Variants in MN1 observed in about 807,000 individuals in gnomAD.
MN1 encodes MN1 proto-oncogene, transcriptional regulator.
In MN1, 19 loss-of-function variants were observed where a neutral mutation model predicts 86.9. That is an observed-to-expected ratio of 0.22 (90% CI 0.15 to 0.32). MN1 has a LOEUF of 0.32. MN1 is among the 10% of genes least tolerant of loss of function. The pLI is 1.00. For synonymous variants in MN1, 928 were observed against 849.6 expected, an observed-to-expected ratio of 1.09 and a Z score of -1.60; for missense variants, 1,841 against 1,862.0, an observed-to-expected ratio of 0.99 and a Z score of 0.21.
Position 27,799,729 on chromosome 22 carries a change from C to T in MN1, c.815G>A (p.Gly272Asp), listed in dbSNP as rs1447187355. The T allele has an allele frequency of 6.3e-7, 1 of 1,577,340 alleles. No homozygotes were observed. The highest frequency in any genetic ancestry group is 1.8e-5 in the Admixed American group (1 of 54,874). ...CGCAGCTCTGGGCATGGCCGAGGCG[C>T]CCGGGAAAGCGCCCCCAGGAACCTG... ...GRQVPGGAFP[G>D]ASAMPRAAGM... The change falls in exon 1 of 2, where the codon GGC becomes GAC. Residue 272 changes from glycine to aspartate, a missense_variant. Coordinates refer to ENST00000302326, the MANE Select transcript of MN1 (RefSeq NM_002430.3).
Position 27,799,766 on chromosome 22 carries a change from C to T in MN1, c.778G>A (p.Ala260Thr). The T allele has an allele frequency of 6.3e-7, 1 of 1,593,928 alleles. No homozygotes were observed. Among genetic ancestry groups the T allele is most frequent in the Admixed American group, 1.7e-5 (1 of 57,898 alleles). The change falls in exon 1 of 2, where the codon GCA (alanine) becomes ACA (threonine). Residue 260 changes from alanine (A) to threonine (T), a missense_variant. By Grantham distance (58) the Ala-to-Thr change is moderately conservative. Transcript: ENST00000302326. ...CCCCCAGGAACCTGGCGACCCGCTGCATAATGAGGCAGCTGCCCTTCGGAG... is the reference window on the plus strand; with the variant it reads ...CCCCCAGGAACCTGGCGACCCGCTGTATAATGAGGCAGCTGCCCTTCGGAG... ...SDSEGQLPHY[A>T]AGRQVPGGAF...
intron 1 of MN1, among the ~76,000 whole-genome samples, chr22:27,764,812 G>A (rs929928882): frequency 6.6e-6 from 1 of 152,154 alleles, no homozygotes; most frequent in Admixed American, 6.5e-5. Context: ...TGTAACCCTG[G>A]AGGAAGCATC....
chr22:27,794,814 G>T (rs10719007), intron 1 of MN1, among the ~76,000 whole-genome samples: 1,341 of 33,100 alleles, frequency 0.041, 19 homozygotes, highest in African/African-American at 0.19. Context: ...AATCAGGGTT[G>T]TTGTTTTTTT....
chr22:27,776,468 T>G (rs1714325771), intron 1 of MN1, among the ~76,000 whole-genome samples: 1 of 151,876 alleles, frequency 6.6e-6, no homozygotes, highest in Non-Finnish European at 1.5e-5. Context: ...AATAATCAAA[T>G]AGAATACAGA....
rs1933409715 is a variant in MN1, at chr22:27,800,319, G to C, written c.225C>G (p.His75Gln). The change falls in exon 1 of 2, where the codon CAC (histidine) becomes CAG (glutamine). Residue 75 changes from histidine (H) to glutamine (Q), a missense_variant. By Grantham distance (24) the His-to-Gln change is conservative. Coordinates refer to ENST00000302326, the MANE Select transcript of MN1 (RefSeq NM_002430.3). Reference sequence around the variant, plus strand: ...GCAGCCCCCCTGCGTGCAACTCCGAGTGGCCGCGCGCGTGGAAGCCGTAGG... The same window carrying C: ...GCAGCCCCCCTGCGTGCAACTCCGACTGGCCGCGCGCGTGGAAGCCGTAGG... ...MEPYGFHARGHSELHAGGLQA... is the reference protein window; with the variant it reads ...MEPYGFHARGQSELHAGGLQA... 6.3e-7 allele frequency: 1 copy of C among 1,580,456 alleles called. No individual in the cohort carries two copies. The highest frequency in any genetic ancestry group is 8.6e-7 in the Non-Finnish European group (1 of 1,162,742).
chr22:27,754,706 C>T (rs1932791431), intron 1 of MN1, among the ~76,000 whole-genome samples: 1 of 152,216 alleles, frequency 6.6e-6, no homozygotes, highest in Non-Finnish European at 1.5e-5. Flanking sequence ...CGCCTCAAGT[C>T]ATGGCCTGCC....
chr22:27,778,835 C>T (rs775520542), intron 1 of MN1, among the ~76,000 whole-genome samples: 3 of 152,238 alleles, frequency 2.0e-5, no homozygotes, highest in Admixed American at 6.5e-5. Flanking sequence ...AAGCCTCACT[C>T]GGGTAGGACA....
intron 1 of MN1, among the ~76,000 whole-genome samples, chr22:27,780,167 G>A (rs1933032576): frequency 6.6e-6 from 1 of 152,166 alleles, no homozygotes; most frequent in South Asian, 2.1e-4. Context: ...TCTACTATGT[G>A]CCGTCAGATC....
intron 1 of MN1, among the ~76,000 whole-genome samples, chr22:27,792,341 TATATATATATGAATATATAA>T (rs1933224530): frequency 7.0e-6 from 1 of 143,084 alleles, no homozygotes; most frequent in Non-Finnish European, 1.5e-5. Context: ...TATATATATA[TATATATATATGAATATATAA>T]ATATATTTTG....
rs1933326745 is a variant in MN1, at chr22:27,797,709, G to A, written c.2835C>T (p.Arg945=). ...TCACGTGACCACTGTCCCTTTTTCT[G>A]CGACCCCGTCCCCGGCCGCCGCCCC... ...VSGGGGRGRG[R]RKRDSGHVSP... The change falls in exon 1 of 2, where the codon CGC becomes CGT. Residue 945 remains arginine (R), a synonymous_variant. Transcript: ENST00000302326. 1 of 1,610,682 alleles carries A rather than the reference G, an allele frequency of 6.2e-7. No homozygotes were observed. Among genetic ancestry groups the A allele is most frequent in the African/African-American group, 1.3e-5 (1 of 75,028 alleles).
chr22:27,777,533 TAAAA>T (rs34223272), intron 1 of MN1, among the ~76,000 whole-genome samples: 1 of 132,574 alleles, frequency 7.5e-6, no homozygotes, highest in Admixed American at 7.6e-5. Context: ...ACCTTGTTTC[TAAAA>T]AAAAAAAAAA....
In MN1 at chr22:27,786,436, C is replaced by T. The variant is rs543905472; in HGVS notation, c.3781+10327G>A. Among the ~76,000 whole-genome samples the T allele has an allele frequency of 1.4e-4, 21 of 152,150 alleles. No individual in the cohort carries two copies. The East Asian group carries it at 4.1e-3, about 29-fold the overall frequency. On this transcript the variant is annotated intron_variant, in intron 1 of 1. Transcript: ENST00000302326. ...ATGCATTTCTTAAAAGTTAAACACA[C>T]ACACACACACACACACACATCCTCC...
At chr22:27,795,102 C>T (rs963747549) in intron 1 of MN1, among the ~76,000 whole-genome samples, 2 of 152,088 alleles carry the variant, frequency 1.3e-5, no homozygotes, top group Admixed American at 1.3e-4. Flanking sequence ...GGGTCCCAAA[C>T]TAACCAATTT....
At chr22:27,758,127 C>A (rs534435733) in intron 1 of MN1, among the ~76,000 whole-genome samples, 57 of 152,228 alleles carry the variant, frequency 3.7e-4, no homozygotes, top group African/African-American at 1.3e-3. Flanking sequence ...CCTGCTTGAA[C>A]CTTCCATGGC....
chr22:27,762,499 G>T (rs887257282), intron 1 of MN1, among the ~76,000 whole-genome samples: 1 of 152,152 alleles, frequency 6.6e-6, no homozygotes, highest in Non-Finnish European at 1.5e-5. Context: ...TACCGGTAAT[G>T]CTGGTAATAG....
chr22:27,799,652 G>C lies in MN1; in HGVS notation c.892C>G (p.Gln298Glu). ...MHAQPPQQQP[Q>E]QQQQPQQQQQ... ...TGCTGCTGGGGCTGCTGCTGCTGCTGGGGCTGCTGCTGCGGTGGCTGGGCG... is the reference window on the plus strand; with the variant it reads ...TGCTGCTGGGGCTGCTGCTGCTGCTCGGGCTGCTGCTGCGGTGGCTGGGCG... Residue 298 changes from glutamine to glutamate, a missense_variant, in exon 1 of 2, where the codon CAG becomes GAG. Gln to Glu is a conservative substitution (Grantham distance 29). Coordinates refer to ENST00000302326, the MANE Select transcript of MN1 (RefSeq NM_002430.3). The C allele has an allele frequency of 6.5e-7, 1 of 1,550,188 alleles. No individual in the cohort carries two copies. Among genetic ancestry groups the C allele is most frequent in the Non-Finnish European group, 8.7e-7 (1 of 1,146,842 alleles).
intron 1 of MN1, among the ~76,000 whole-genome samples, chr22:27,771,697 T>C (rs755331627): frequency 1.9e-4 from 29 of 152,154 alleles, no homozygotes; most frequent in Admixed American, 4.6e-4. Context: ...GGGAAAGGGA[T>C]AGGTAATTAA....
Position 27,798,564 on chromosome 22 carries a change from G to A in MN1, c.1980C>T (p.Asp660=), listed in dbSNP as rs1158320001. The A allele has an allele frequency of 2.0e-6, 3 of 1,530,614 alleles. No individual in the cohort carries two copies. Among genetic ancestry groups the A allele is most frequent in the East Asian group, 2.4e-5 (1 of 41,748 alleles). 94.8% of individuals were successfully genotyped at this position (1,530,614 alleles called of 1,614,324 possible). ...GCGGAGGAGGGGGCGCCAGGCTGGG[G>A]TCGTGCGGGCCACAGTCAGCGGGCA... ...SGLPADCGPH[D]PSLAPPPPPG... Residue 660 remains aspartate (D), a synonymous_variant, in exon 1 of 2, where the codon GAC becomes GAT. Transcript: ENST00000302326.
intron 1 of MN1, chr22:27,791,956 C>T: frequency 6.6e-6 from 1 of 152,328 alleles, no homozygotes; most frequent in African/African-American, 2.4e-5. Context: ...GAATTTTCCT[C>T]CTCTAATTTC....
Sources: allele counts gnomAD v4.1 joint callset (sites outside exome capture counted in the v4.1 genomes callset), GRCh38; gene constraint gnomAD v4.1.1; transcripts MANE v1.5; gene names NCBI Gene and HGNC (gene_info 2026-07-23, HGNC 2026-07-21).